Variants in STXBP6 observed in about 807,000 individuals in gnomAD.
The protein encoded by STXBP6 is syntaxin binding protein 6, also known as syntaxin-binding protein 6.
In STXBP6, 21 loss-of-function variants were observed where a neutral mutation model predicts 26.9. The ratio of observed to expected loss-of-function variants is 0.78; its 90% CI spans 0.55 to 1.12. The LOEUF is 1.12. STXBP6 is among the 50% of genes most tolerant of loss of function. The pLI, the probability that STXBP6 is intolerant of heterozygous loss-of-function variation, is 0.00. For missense variants in STXBP6, 232 were observed against 257.9 expected (o/e 0.90, Z 0.69); for synonymous variants, 97 against 92.6 (o/e 1.05, Z -0.27).
chr14:24,840,078 T>C (rs528328276), intron 4 of STXBP6, among the ~76,000 whole-genome samples: 4 of 152,232 alleles, frequency 2.6e-5, no homozygotes, highest in East Asian at 1.9e-4. Context: ...CCCACAGTAC[T>C]GTATGGGAGA....
intron 1 of STXBP6, among the ~76,000 whole-genome samples, chr14:24,977,203 T>A (rs2074072501): frequency 6.6e-6 from 1 of 152,068 alleles, no homozygotes; most frequent in East Asian, 1.9e-4. Flanking sequence ...CCAGCTGTCA[T>A]GGCTTTTGCT....
At chr14:25,012,583 A>G (rs1403581123) in intron 1 of STXBP6, among the ~76,000 whole-genome samples, 1 of 152,042 alleles carries the variant, frequency 6.6e-6, no homozygotes, top group Admixed American at 6.6e-5. Flanking sequence ...CTGGGCAACA[A>G]AGCAAGGCTC....
intron 1 of STXBP6, among the ~76,000 whole-genome samples, chr14:24,992,040 T>C (rs2074487481): frequency 6.6e-6 from 1 of 152,206 alleles, no homozygotes. Context: ...GCCAAGCACA[T>C]TGTAGGGAAC....
chr14:24,930,550 C>T (rs1371981187), intron 2 of STXBP6, among the ~76,000 whole-genome samples: 1 of 152,134 alleles, frequency 6.6e-6, no homozygotes, highest in South Asian at 2.1e-4. Context: ...CCCAGGGTTG[C>T]TGCCATCACA....
chr14:24,956,878 T>C lies in STXBP6; in HGVS notation c.154+17787A>G, dbSNP rs375232182. On this transcript the variant is annotated intron_variant, in intron 2 of 5. Coordinates refer to ENST00000323944, the MANE Select transcript of STXBP6 (RefSeq NM_001394410.1). ...GTAATGCAGACACAAAGCAGTCAGG[T>C]TGTGCATCCCTCTGTGTTCTTCACT... Among the ~76,000 whole-genome samples, 3 of 152,286 alleles carry C rather than the reference T, an allele frequency of 2.0e-5. No individual in the cohort carries two copies. The South Asian group carries it at 6.2e-4, about 32-fold the overall frequency.
intron 4 of STXBP6, among the ~76,000 whole-genome samples, chr14:24,852,796 T>C (rs1273592556): frequency 1.3e-5 from 2 of 152,120 alleles, no homozygotes; most frequent in East Asian, 1.9e-4. Context: ...GCAATTCATA[T>C]ACAACTCCAG....
intron 2 of STXBP6, among the ~76,000 whole-genome samples, chr14:24,865,890 A>C (rs1376695695): frequency 6.6e-6 from 1 of 152,170 alleles, no homozygotes; most frequent in Non-Finnish European, 1.5e-5. Context: ...CATACTATAC[A>C]TGAAGTAGTG....
intron 1 of STXBP6, among the ~76,000 whole-genome samples, chr14:24,979,896 C>T (rs947414571): frequency 8.5e-5 from 13 of 152,160 alleles, no homozygotes; most frequent in African/African-American, 3.1e-4. Flanking sequence ...ACAATCAGCC[C>T]TCTACACTGT....
rs56906570 is a variant in STXBP6, at chr14:24,996,547, AAAAAAAT to A, written c.-32-21704_-32-21698del. On this transcript the variant is annotated intron_variant, in intron 1 of 5. Transcript: ENST00000323944. ...CAGGGCCTCTTTGCTTCTCTCCTTA[AAAAAAAT>A]AAAAAATTAAAAATAAAATTAAAAA... Among the ~76,000 whole-genome samples the A allele has an allele frequency of 3.4e-3, 513 of 151,936 alleles. 1 individual carries two copies. The highest frequency in any genetic ancestry group is 0.011 in the African/African-American group (451 of 41,460).
At chr14:24,890,491 TA>T (rs934361934) in intron 2 of STXBP6, among the ~76,000 whole-genome samples, 1 of 151,232 alleles carries the variant, frequency 6.6e-6, no homozygotes, top group Non-Finnish European at 1.5e-5. Context: ...TCAAGAAAAC[TA>T]AAAAAAAATT....
At chr14:24,977,063 A>G (rs527518414) in intron 1 of STXBP6, among the ~76,000 whole-genome samples, 1 of 151,698 alleles carries the variant, frequency 6.6e-6, no homozygotes, top group South Asian at 2.1e-4. Context: ...GGGTTTCACT[A>G]TGTTGGCCAG....
At chr14:24,907,580 C>T (rs554646197) in intron 2 of STXBP6, among the ~76,000 whole-genome samples, 6 of 152,164 alleles carry the variant, frequency 3.9e-5, no homozygotes, top group Non-Finnish European at 5.9e-5. Flanking sequence ...CTTTTCCATA[C>T]TTTTTAATTT....
intron 1 of STXBP6, among the ~76,000 whole-genome samples, chr14:25,007,144 G>T (rs947579109): frequency 6.6e-6 from 1 of 152,234 alleles, no homozygotes; most frequent in Non-Finnish European, 1.5e-5. Flanking sequence ...AGATACATAT[G>T]TGATTTATCT....
intron 1 of STXBP6, among the ~76,000 whole-genome samples, chr14:24,976,931 T>G (rs1241020703): frequency 4.9e-5 from 7 of 143,024 alleles, no homozygotes; most frequent in African/African-American, 1.6e-4. Flanking sequence ...GGTACAATCT[T>G]GACTCACTGC....
intron 4 of STXBP6, among the ~76,000 whole-genome samples, chr14:24,846,306 C>A (rs1163875687): frequency 6.6e-6 from 1 of 152,156 alleles, no homozygotes; most frequent in East Asian, 1.9e-4. Flanking sequence ...TGTAGAATAG[C>A]CACAATATAA....
chr14:24,881,662 T>A (rs1040507215), intron 2 of STXBP6, among the ~76,000 whole-genome samples: 1 of 152,136 alleles, frequency 6.6e-6, no homozygotes, highest in African/African-American at 2.4e-5. Flanking sequence ...AAAAATCACA[T>A]GAGGACTGTT....
chr14:25,019,187 T>A (rs986416722), intron 1 of STXBP6, among the ~76,000 whole-genome samples: 1 of 152,232 alleles, frequency 6.6e-6, no homozygotes, highest in African/African-American at 2.4e-5. Context: ...AGAAACTTTA[T>A]GTTCTTACTA....
chr14:24,894,195 A>T (rs1241605), intron 2 of STXBP6, among the ~76,000 whole-genome samples: 1 of 151,976 alleles, frequency 6.6e-6, no homozygotes, highest in Non-Finnish European at 1.5e-5. Flanking sequence ...AAAGACAAAG[A>T]CCAATTTGGA....
intron 4 of STXBP6, among the ~76,000 whole-genome samples, chr14:24,835,057 T>C (rs951155645): frequency 1.3e-5 from 2 of 152,338 alleles, no homozygotes; most frequent in African/African-American, 2.4e-5. Flanking sequence ...ATTGGTCATA[T>C]GGCCAGTGGG....
Sources: gnomAD v4.1 joint callset for allele counts (sites outside exome capture counted in the v4.1 genomes callset) on GRCh38, gnomAD v4.1.1 for gene constraint, MANE v1.5 for transcripts, NCBI Gene and HGNC (gene_info 2026-07-23, HGNC 2026-07-21) for gene names.